Variants in SPAG5 observed in about 807,000 individuals in gnomAD.
The protein encoded by SPAG5 is sperm associated antigen 5, also known as sperm-associated antigen 5.
SPAG5 carries 99 observed loss-of-function variants against 145.4 expected under a neutral mutation model. The observed-to-expected ratio is 0.68, with a 90% CI of 0.58 to 0.80. The LOEUF (loss-of-function observed/expected upper bound fraction) is 0.80. Ranked by LOEUF, SPAG5 falls within the 30% of genes least tolerant of loss-of-function variation. The probability of loss-of-function intolerance (pLI) is 0.00; values close to 1 mark genes in which losing one functional copy is unlikely to be tolerated. For missense variants in SPAG5, 1,192 were observed against 1,416.0 expected (o/e 0.84, Z 2.54); for synonymous variants, 477 against 525.4 (o/e 0.91, Z 1.26).
chr17:28,594,464 G>C (rs540375264), intron 2 of SPAG5, among the ~76,000 whole-genome samples: 1 of 152,052 alleles, frequency 6.6e-6, no homozygotes, highest in Non-Finnish European at 1.5e-5. Context: ...CTGTGGTGGC[G>C]GGCACCTGTA....
intron 2 of SPAG5, among the ~76,000 whole-genome samples, chr17:28,594,980 C>T (rs2070651869): frequency 6.6e-6 from 1 of 151,766 alleles, no homozygotes; most frequent in East Asian, 1.9e-4. Flanking sequence ...ATAAAAAAGA[C>T]AGGGCATGGT....
rs2070534213 is a variant in SPAG5, at chr17:28,579,404, T to C, written c.2966A>G (p.Glu989Gly). The C allele has an allele frequency of 6.2e-7, 1 of 1,614,072 alleles. No individual in the cohort carries two copies. The highest frequency in any genetic ancestry group is 1.1e-5 in the South Asian group (1 of 91,090). ...AGTCCTGATGGCTTCTTCTTTAGAC[T>C]CTTGTAGCAGGGAACAAAGACTCTG... ...ELQSLCSLLQ[E>G]SKEEAIRTLQ... Residue 989 changes from glutamate (E) to glycine (G), a missense_variant, in exon 18 of 24, where the codon GAG becomes GGG. Glu to Gly is a moderately conservative substitution (Grantham distance 98). Transcript: ENST00000321765.
In SPAG5 at chr17:28,580,069, G is replaced by A. The variant is rs1277839898; in HGVS notation, c.2737C>T (p.His913Tyr). ...AAGGTCCTGTCATTAGGCAGAGGGT[G>A]TTCCTGGGTGGGAGGACAGGCTGTA... The part of the protein sequence containing the change: ...LSTACPPTQE[H>Y]PLPNDRTFLG... Residue 913 changes from histidine to tyrosine, a missense_variant, in exon 16 of 24, where the codon CAC (histidine) becomes TAC (tyrosine). His to Tyr is a moderately conservative substitution (Grantham distance 83). Around this residue, in one of 5 missense-constraint regions of SPAG5, gnomAD observed 709 missense variants for 840.7 expected, o/e 0.84. Transcript: ENST00000321765. The A allele has an allele frequency of 6.8e-6, 11 of 1,613,940 alleles. No individual in the cohort carries two copies. Among genetic ancestry groups the A allele is most frequent in the Non-Finnish European group, 9.3e-6 (11 of 1,179,970 alleles).
chr17:28,578,729 C>T lies in SPAG5; in HGVS notation c.3141G>A (p.Val1047=). The change falls in exon 20 of 24, where the codon GTG becomes GTA. Residue 1047 remains valine, a synonymous_variant. Coordinates refer to ENST00000321765, the MANE Select transcript of SPAG5 (RefSeq NM_006461.4). ...GGATCTTCTCATTCTGCTGCTGTAT[C>T]ACTTCCTGGAGCTCCTTTTCATTCT... The part of the protein sequence containing the change: ...RYKNEKELQE[V]IQQQNEKILE... 1 of 1,613,930 alleles carries T rather than the reference C, an allele frequency of 6.2e-7. No individual in the cohort carries two copies. The highest frequency in any genetic ancestry group is 8.5e-7 in the Non-Finnish European group (1 of 1,179,850).
At chr17:28,582,004 T>C (rs2070551921) in intron 15 of SPAG5, among the ~76,000 whole-genome samples, 1 of 152,196 alleles carries the variant, frequency 6.6e-6, no homozygotes, top group Admixed American at 6.5e-5. Context: ...TCACATCAAA[T>C]TGGTCACTCT....
chr17:28,585,208 G>A lies in SPAG5; in HGVS notation c.1961C>T (p.Thr654Ile). 6.2e-7 allele frequency: 1 copy of A among 1,614,170 alleles called. No individual in the cohort carries two copies. Among genetic ancestry groups the A allele is most frequent in the East Asian group, 2.2e-5 (1 of 44,888 alleles). Residue 654 changes from threonine (T) to isoleucine (I), a missense_variant, in exon 10 of 24, where the codon ACA (threonine) becomes ATA (isoleucine). Around this residue, in one of 5 missense-constraint regions of SPAG5, gnomAD observed 709 missense variants for 840.7 expected, o/e 0.84. Coordinates refer to ENST00000321765, the MANE Select transcript of SPAG5 (RefSeq NM_006461.4). Reference sequence around the variant, plus strand: ...GGACCGACTCAGCAAAGCTGTCCATGTTGTATACTACCAGGGGAAGCAAGC... The same window carrying A: ...GGACCGACTCAGCAAAGCTGTCCATATTGTATACTACCAGGGGAAGCAAGC... Reference protein sequence around the residue: ...DWRSMQLDYTTWTALLSRSRQ... With the variant: ...DWRSMQLDYTIWTALLSRSRQ...
intron 13 of SPAG5, 62 bp downstream of exon 13, chr17:28,584,088 A>C: frequency 6.2e-7 from 1 of 1,606,400 alleles, no homozygotes; most frequent in Non-Finnish European, 8.5e-7. Flanking sequence ...CCTCAACACT[A>C]TCAGGCAAGA....
rs774282281 is a variant in SPAG5, at chr17:28,598,652, GA to G, written c.52-18del. On this transcript the variant is annotated intron_variant, in intron 1 of 23. Coordinates refer to ENST00000321765, the MANE Select transcript of SPAG5 (RefSeq NM_006461.4). ...TGGTTTTCCCTGAGAAAGAAACCAA[GA>G]AAGAGGGCGAGTGTGAGGAAGCCTG... 9.5e-6 allele frequency: 15 copies of G among 1,580,316 alleles called. No homozygotes were observed. The highest frequency in any genetic ancestry group is 1.3e-5 in the Non-Finnish European group (15 of 1,160,784).
intron 2 of SPAG5, among the ~76,000 whole-genome samples, chr17:28,597,922 G>T (rs1567628051): frequency 1.3e-5 from 2 of 152,206 alleles, no homozygotes; most frequent in African/African-American, 4.8e-5. Flanking sequence ...TTTCCAGGCA[G>T]TTAGTCCTAA....
In SPAG5 at chr17:28,578,427, G is replaced by T; in HGVS notation, c.3300C>A (p.Asn1100Lys). The T allele has an allele frequency of 6.2e-7, 1 of 1,614,166 alleles. No individual in the cohort carries two copies. Among genetic ancestry groups the T allele is most frequent in the Non-Finnish European group, 8.5e-7 (1 of 1,180,032 alleles). Reference protein sequence around the residue: ...QEALAGQLDSNCQPMATNWIQ... With the variant: ...QEALAGQLDSKCQPMATNWIQ... ...TCCAATTGGTGGCCATAGGCTGGCA[G>T]TTGGAGTCCAGCTGGCCTGCCAGGG... The change falls in exon 21 of 24, where the codon AAC becomes AAA. Residue 1100 changes from asparagine (N) to lysine (K), a missense_variant. Physicochemically the swap from Asn to Lys is moderately conservative, Grantham distance 94. Coordinates refer to ENST00000321765, the MANE Select transcript of SPAG5 (RefSeq NM_006461.4).
intron 2 of SPAG5, among the ~76,000 whole-genome samples, chr17:28,594,950 A>T (rs1012063154): frequency 1.3e-5 from 2 of 151,170 alleles, no homozygotes; most frequent in Admixed American, 1.3e-4. Context: ...ACAGAGCAAG[A>T]CCCTGTCTCA....
Position 28,585,085 on chromosome 17 carries a change from C to T in SPAG5, c.2067+17G>A, listed in dbSNP as rs769433119. 1.3e-6 allele frequency: 2 copies of T among 1,596,076 alleles called. No individual in the cohort carries two copies. Among genetic ancestry groups the T allele is most frequent in the African/African-American group, 2.7e-5 (2 of 74,578 alleles). ...GAAGGAAACCAAGCCTAAGCAGTCC[C>T]CACTCTTGGTTTGTACCTCCTGCTT... is the stretch of plus-strand genomic sequence containing the variant. On this transcript the variant is annotated intron_variant, in intron 10 of 23. Transcript: ENST00000321765.
rs773221986 is a variant in SPAG5, at chr17:28,585,203, T to G, written c.1966A>C (p.Thr656Pro). 1 of 1,614,222 alleles carries G rather than the reference T, an allele frequency of 6.2e-7. No homozygotes were observed. The highest frequency in any genetic ancestry group is 1.1e-5 in the South Asian group (1 of 91,080). The change falls in exon 10 of 24, where the codon ACA becomes CCA. Residue 656 changes from threonine (T) to proline (P), a missense_variant. Thr to Pro is a conservative substitution (Grantham distance 38, BLOSUM62 -1). This residue lies in a region of SPAG5 where 709 missense variants were observed against 840.7 expected (regional missense o/e 0.84). Transcript: ENST00000321765. ...RSMQLDYTTW[T>P]ALLSRSRQLT... The stretch of plus-strand genomic sequence containing the variant: ...TGTCGGGACCGACTCAGCAAAGCTG[T>G]CCATGTTGTATACTACCAGGGGAAG...
intron 23 of SPAG5, 53 bp from the exon 24 acceptor site, chr17:28,577,823 G>T: frequency 6.8e-7 from 1 of 1,479,046 alleles, no homozygotes; most frequent in Non-Finnish European, 9.4e-7. Context: ...AAGGCCCAGG[G>T]CTCCCAGCCC....
chr17:28,590,246 T>C (rs886650133), intron 4 of SPAG5, among the ~76,000 whole-genome samples: 6 of 152,296 alleles, frequency 3.9e-5, no homozygotes, highest in Admixed American at 2.0e-4. Flanking sequence ...ACTCTGTTTT[T>C]TGAGGCAGGG....
chr17:28,598,397 G>A, intron 2 of SPAG5, 113 bp downstream of exon 2: 1 of 1,304,826 alleles, frequency 7.7e-7, no homozygotes, highest in Non-Finnish European at 1.0e-6. Flanking sequence ...GGATGTCACC[G>A]ACGTAGAAGA....
At chr17:28,589,081 C>T (rs949248367) in intron 4 of SPAG5, among the ~76,000 whole-genome samples, 1 of 151,932 alleles carries the variant, frequency 6.6e-6, no homozygotes, top group Non-Finnish European at 1.5e-5. Context: ...AGCATATTAC[C>T]AATATTGACA....
Position 28,588,684 on chromosome 17 carries a change from A to ATTG in SPAG5, c.1438-2188_1438-2186dup, listed in dbSNP as rs567385942. On this transcript the variant is annotated intron_variant, in intron 4 of 23. Coordinates refer to ENST00000321765, the MANE Select transcript of SPAG5 (RefSeq NM_006461.4). ...GTGTTGTAATACAATCCTCTAGAAC[A>ATTG]TTGTTGTTGTTGTTGTTTGAGACAG... Among the ~76,000 whole-genome samples the ATTG allele has an allele frequency of 1.6e-3, 237 of 152,072 alleles. 2 individuals carry two copies. The highest frequency in any genetic ancestry group is 5.0e-3 in the African/African-American group (207 of 41,516).
rs746606657 is a variant in SPAG5 at position 28,577,753 on chromosome 17, TG to T, written c.3527del (p.Pro1176GlnfsTer4). ...QHIYKTLLSIPEVVRGCKELQ... is the reference protein window; with the variant it reads ...QHIYKTLLSIXEVVRGCKELQ... ...GTTCTTTGCATCCCCTCACCACCTC[TG>T]GAATAGAGAGCAGGGTCTGGGAAGA... On this transcript the variant is annotated frameshift_variant, in exon 24 of 24. Transcript: ENST00000321765. LOFTEE classifies it high-confidence loss of function. 1 of 1,613,778 alleles carries T rather than the reference TG, an allele frequency of 6.2e-7. No homozygotes were observed. The highest frequency in any genetic ancestry group is 1.7e-5 in the Admixed American group (1 of 60,016).
Sources: gnomAD v4.1 joint callset for allele counts (sites outside exome capture counted in the v4.1 genomes callset) on GRCh38, gnomAD v4.1.1 for gene constraint, gnomAD v4.1.1 regional missense constraint, MANE v1.5 for transcripts, NCBI Gene and HGNC (gene_info 2026-07-23, HGNC 2026-07-21) for gene names.